Variants in RANBP17 observed in about 807,000 individuals in gnomAD.
The protein encoded by RANBP17 is RAN binding protein 17, also known as ran-binding protein 17.
Under a neutral mutation model 141.2 loss-of-function variants are expected in RANBP17, and 158 were observed. That is an observed-to-expected ratio of 1.12 (90% CI 0.98 to 1.28). RANBP17 has a LOEUF of 1.28. Among genes scored for constraint, RANBP17 ranks in the 50% most tolerant of loss-of-function variants. The pLI, the probability that RANBP17 is intolerant of heterozygous loss-of-function variation, is 0.00. For missense variants in RANBP17, 1,438 were observed against 1,290.7 expected, an observed-to-expected ratio of 1.11 and a Z score of -1.75; for synonymous variants, 430 against 450.0, an observed-to-expected ratio of 0.96 and a Z score of 0.56.
chr5:171,156,333 T>C (rs1490568289), intron 14 of RANBP17, among the ~76,000 whole-genome samples: 1 of 152,152 alleles, frequency 6.6e-6, no homozygotes, highest in Non-Finnish European at 1.5e-5. Context: ...AAAGGTACTT[T>C]CTTAGTTCTC....
At chr5:170,984,556 T>A (rs1777990228) in intron 14 of RANBP17, among the ~76,000 whole-genome samples, 1 of 151,542 alleles carries the variant, frequency 6.6e-6, no homozygotes. Flanking sequence ...AGTCCAGGAG[T>A]TTCAGGCTGC....
chr5:171,211,361 A>G (rs1762872877), intron 20 of RANBP17, among the ~76,000 whole-genome samples: 1 of 151,862 alleles, frequency 6.6e-6, no homozygotes, highest in East Asian at 1.9e-4. Flanking sequence ...TCCCGGGTTC[A>G]AGCAATTCTT....
chr5:171,210,975 A>G (rs1308326915), intron 20 of RANBP17, among the ~76,000 whole-genome samples: 1 of 146,916 alleles, frequency 6.8e-6, no homozygotes, highest in Non-Finnish European at 1.5e-5. Context: ...ACTGCACCCC[A>G]GCCTGGCAAC....
At chr5:170,945,565 AG>A (rs1225698492) in intron 12 of RANBP17, among the ~76,000 whole-genome samples, 2 of 152,156 alleles carry the variant, frequency 1.3e-5, no homozygotes, top group Non-Finnish European at 2.9e-5. Flanking sequence ...ATTTGAACCT[AG>A]GCTGTGTTCT....
Position 171,213,710 on chromosome 5 carries a change from A to T in RANBP17, c.2311A>T (p.Lys771Ter), listed in dbSNP as rs1763050085. ...GEPTCTTPIL[K>*]LMAELMQNRS... ...GCCAACATGTACAACTCCCATCTTG[A>T]AACTTATGGCAGAACTTATGCAAAA... is the stretch of plus-strand genomic sequence containing the variant. Residue 771 changes from lysine to a stop codon, truncating the protein, a stop_gained, in exon 21 of 28, where the codon AAA becomes TAA. Coordinates refer to ENST00000523189, the MANE Select transcript of RANBP17 (RefSeq NM_022897.5). LOFTEE classifies it high-confidence loss of function. 1 of 1,613,600 alleles carries T rather than the reference A, an allele frequency of 6.2e-7. No homozygotes were observed. Among genetic ancestry groups the T allele is most frequent in the South Asian group, 1.1e-5 (1 of 91,048 alleles).
chr5:171,080,479 T>G (rs1785200004), intron 14 of RANBP17, among the ~76,000 whole-genome samples: 1 of 152,212 alleles, frequency 6.6e-6, no homozygotes, highest in African/African-American at 2.4e-5. Flanking sequence ...CTTGGTGATT[T>G]GATATGAATT....
At chr5:170,914,092 T>G in intron 7 of RANBP17, 75 bp from the exon 8 acceptor site, 3 of 966,138 alleles carry the variant, frequency 3.1e-6, no homozygotes, top group Non-Finnish European at 4.9e-6. Flanking sequence ...TTTCTCAGTT[T>G]GTGTGATATT....
chr5:170,891,262 A>G (rs576518904), intron 3 of RANBP17, among the ~76,000 whole-genome samples: 30 of 152,378 alleles, frequency 2.0e-4, no homozygotes, highest in South Asian at 1.2e-3. Context: ...TAAGGAAAGC[A>G]TAGTACAATA....
chr5:171,129,489 T>A (rs951255514), intron 14 of RANBP17, among the ~76,000 whole-genome samples: 9 of 152,142 alleles, frequency 5.9e-5, no homozygotes, highest in Non-Finnish European at 1.0e-4. Flanking sequence ...AATCTGGCAC[T>A]GTAGTCAAGC....
chr5:170,889,074 GTTTC>G (rs1769393528), intron 3 of RANBP17, among the ~76,000 whole-genome samples: 1 of 150,424 alleles, frequency 6.6e-6, no homozygotes, highest in Non-Finnish European at 1.5e-5. Flanking sequence ...TTTTTTTGTA[GTTTC>G]TTTTTGTTCC....
chr5:171,101,684 A>T (rs1787177169), intron 14 of RANBP17, among the ~76,000 whole-genome samples: 1 of 152,112 alleles, frequency 6.6e-6, no homozygotes, highest in African/African-American at 2.4e-5. Flanking sequence ...CAGTTTCTTC[A>T]ATGTCAGTGG....
chr5:171,259,723 G>A (rs1051479449), intron 24 of RANBP17, among the ~76,000 whole-genome samples: 7 of 152,150 alleles, frequency 4.6e-5, no homozygotes, highest in African/African-American at 1.2e-4. Context: ...GCTCACGCCC[G>A]TAATCCCAGC....
chr5:171,073,669 C>G (rs542220129), intron 14 of RANBP17, among the ~76,000 whole-genome samples: 1 of 152,070 alleles, frequency 6.6e-6, no homozygotes, highest in Admixed American at 6.6e-5. Context: ...AGTGTCACCC[C>G]GGTAGCTACA....
chr5:170,874,679 G>T (rs1195895537), intron 1 of RANBP17, among the ~76,000 whole-genome samples: 2 of 149,154 alleles, frequency 1.3e-5, no homozygotes, highest in Non-Finnish European at 1.5e-5. Context: ...CCATTTGCTT[G>T]GTAAATTTTC....
At chr5:171,243,853 C>T (rs1323572371) in intron 24 of RANBP17, among the ~76,000 whole-genome samples, 1 of 151,914 alleles carries the variant, frequency 6.6e-6, no homozygotes, top group East Asian at 1.9e-4. Context: ...GCGGGTGGAT[C>T]ACCTGAGATC....
chr5:170,983,157 AAC>A, intron 14 of RANBP17: 2 of 506,228 alleles, frequency 4.0e-6, no homozygotes, highest in Non-Finnish European at 7.6e-6. Flanking sequence ...CAGAGGATCA[AAC>A]ACAGGAGAGA....
At chr5:170,934,113 A>G (rs1259797015) in intron 12 of RANBP17, among the ~76,000 whole-genome samples, 2 of 152,282 alleles carry the variant, frequency 1.3e-5, no homozygotes, top group Non-Finnish European at 2.9e-5. Flanking sequence ...TTGGGTGCAT[A>G]TATATTTAGG....
intron 14 of RANBP17, among the ~76,000 whole-genome samples, chr5:171,067,269 C>T (rs1784364773): frequency 6.6e-6 from 1 of 152,104 alleles, no homozygotes; most frequent in African/African-American, 2.4e-5. Context: ...CATACATTAA[C>T]TCTCCTCATA....
intron 14 of RANBP17, among the ~76,000 whole-genome samples, chr5:171,087,304 T>G (rs1561637978): frequency 2.6e-5 from 4 of 152,050 alleles, no homozygotes; most frequent in African/African-American, 9.7e-5. Context: ...TGAGTTCTAG[T>G]TTGATTGCAC....
Sources: allele counts gnomAD v4.1 joint callset (sites outside exome capture counted in the v4.1 genomes callset), GRCh38; gene constraint gnomAD v4.1.1; transcripts MANE v1.5; gene names NCBI Gene and HGNC (gene_info 2026-07-23, HGNC 2026-07-21).